STX8: variants seen among roughly 807,000 people sequenced by gnomAD.
The protein encoded by STX8 is syntaxin 8.
A neutral mutation model predicts 37.5 loss-of-function variants in STX8; 23 were observed. The ratio of observed to expected loss-of-function variants is 0.61; its 90% CI spans 0.44 to 0.87. The LOEUF is 0.87. Ranked by LOEUF, STX8 falls within the 40% of genes least tolerant of loss-of-function variation. The pLI is 0.00. For missense variants in STX8, 313 were observed against 284.7 expected (o/e 1.10, Z -0.71); for synonymous variants, 115 against 99.1 (o/e 1.16, Z -0.95).
intron 6 of STX8, among the ~76,000 whole-genome samples, chr17:9,483,486 T>A (rs185129689): frequency 1.3e-5 from 2 of 152,304 alleles, no homozygotes; most frequent in East Asian, 3.9e-4. Flanking sequence ...GTAACATTCA[T>A]AGATTCCAGG....
At chr17:9,340,149 G>A (rs1160270815) in intron 7 of STX8, among the ~76,000 whole-genome samples, 4 of 152,254 alleles carry the variant, frequency 2.6e-5, no homozygotes, top group African/African-American at 7.2e-5. Flanking sequence ...GTGCACCTGC[G>A]TGGGAATTCT....
intron 6 of STX8, among the ~76,000 whole-genome samples, chr17:9,453,455 A>G (rs1277193981): frequency 1.3e-5 from 2 of 151,662 alleles, no homozygotes; most frequent in African/African-American, 4.8e-5. Flanking sequence ...TACAACCTTC[A>G]AGAGCACTTT....
chr17:9,302,987 A>AT (rs1326089377), intron 7 of STX8, among the ~76,000 whole-genome samples: 29 of 129,958 alleles, frequency 2.2e-4, no homozygotes, highest in African/African-American at 1.0e-3. Flanking sequence ...TCTAATATAG[A>AT]TTAAAAAAAA....
intron 7 of STX8, among the ~76,000 whole-genome samples, chr17:9,359,364 G>C (rs1185728353): frequency 6.6e-6 from 1 of 152,086 alleles, no homozygotes; most frequent in East Asian, 1.9e-4. Context: ...TCACCTTCAA[G>C]ATAAACACAC....
chr17:9,343,680 A>G (rs1337689585), intron 7 of STX8, among the ~76,000 whole-genome samples: 1 of 152,062 alleles, frequency 6.6e-6, no homozygotes, highest in Non-Finnish European at 1.5e-5. Flanking sequence ...GCAGTTCCCT[A>G]CTGGGAACAG....
intron 1 of STX8, 83 bp from the exon 2 acceptor site, chr17:9,568,553 T>G (rs1907551955): frequency 8.9e-7 from 1 of 1,124,690 alleles, no homozygotes; most frequent in Non-Finnish European, 1.3e-6. Context: ...CAGGCTGGAG[T>G]GCAGTGGCAC....
chr17:9,513,313 C>CAA (rs35228175), intron 4 of STX8, among the ~76,000 whole-genome samples: 944 of 78,020 alleles, frequency 0.012, 16 homozygotes, highest in African/African-American at 0.041. Context: ...ACTCTATTTC[C>CAA]AAAAAAAAAA....
chr17:9,572,556 C>T (rs1180514968), intron 1 of STX8, among the ~76,000 whole-genome samples: 6 of 152,200 alleles, frequency 3.9e-5, no homozygotes, highest in Admixed American at 2.0e-4. Flanking sequence ...ATTACAGGTA[C>T]ACACCAACAT....
intron 7 of STX8, among the ~76,000 whole-genome samples, chr17:9,330,096 GGA>G (rs1280932608): frequency 6.6e-6 from 1 of 152,142 alleles, no homozygotes; most frequent in Non-Finnish European, 1.5e-5. Flanking sequence ...GGATGGGCAG[GGA>G]GAGAGAAACA....
intron 7 of STX8, among the ~76,000 whole-genome samples, chr17:9,295,304 T>A (rs1908474128): frequency 6.6e-6 from 1 of 152,234 alleles, no homozygotes; most frequent in Non-Finnish European, 1.5e-5. Flanking sequence ...AAAACAAGCC[T>A]AACTGTTCCT....
At chr17:9,263,075 G>A (rs555902401) in intron 7 of STX8, among the ~76,000 whole-genome samples, 6 of 152,284 alleles carry the variant, frequency 3.9e-5, no homozygotes, top group East Asian at 3.9e-4. Flanking sequence ...AGGACACCCC[G>A]TCTGGGTTGC....
intron 6 of STX8, among the ~76,000 whole-genome samples, chr17:9,438,661 G>A (rs1904530626): frequency 6.6e-6 from 1 of 152,092 alleles, no homozygotes; most frequent in Non-Finnish European, 1.5e-5. Flanking sequence ...GGGCGTGGTG[G>A]CTCACGTCTG....
intron 7 of STX8, among the ~76,000 whole-genome samples, chr17:9,338,119 T>C (rs927577313): frequency 8.8e-5 from 13 of 147,470 alleles, no homozygotes; most frequent in Admixed American, 8.3e-4. Flanking sequence ...AATGGTGTGA[T>C]CTTGGCTCAT....
At chr17:9,425,880 G>A (rs1230383216) in intron 6 of STX8, among the ~76,000 whole-genome samples, 1 of 152,108 alleles carries the variant, frequency 6.6e-6, no homozygotes, top group Non-Finnish European at 1.5e-5. Flanking sequence ...CTAAAGGCTT[G>A]GACGTCTACA....
chr17:9,483,239 G>T (rs548423442), intron 6 of STX8, among the ~76,000 whole-genome samples: 1 of 151,750 alleles, frequency 6.6e-6, no homozygotes, highest in Admixed American at 6.6e-5. Flanking sequence ...CCAGCTTTTA[G>T]AGCTTCATTC....
chr17:9,489,179 G>T (rs1906739478), intron 6 of STX8, among the ~76,000 whole-genome samples: 1 of 152,074 alleles, frequency 6.6e-6, no homozygotes, highest in African/African-American at 2.4e-5. Flanking sequence ...ACCCAGCCTT[G>T]TGTTGTTTTA....
At chr17:9,403,930 GCCA>G (rs1912716508) in intron 6 of STX8, among the ~76,000 whole-genome samples, 1 of 152,076 alleles carries the variant, frequency 6.6e-6, no homozygotes, top group Non-Finnish European at 1.5e-5. Flanking sequence ...ACGGGAGTGA[GCCA>G]CCACATCCGG....
At chr17:9,537,338 G>C (rs1224560055) in intron 4 of STX8, among the ~76,000 whole-genome samples, 1 of 152,222 alleles carries the variant, frequency 6.6e-6, no homozygotes, top group Non-Finnish European at 1.5e-5. Flanking sequence ...GGCTGAGTGT[G>C]TGAAACTTGC....
At chr17:9,269,799 G>A (rs1907385037) in intron 7 of STX8, among the ~76,000 whole-genome samples, 1 of 152,170 alleles carries the variant, frequency 6.6e-6, no homozygotes, top group Non-Finnish European at 1.5e-5. Context: ...TGCCTTGGCA[G>A]GGATCGTTCA....
Sources: allele counts gnomAD v4.1 joint callset (sites outside exome capture counted in the v4.1 genomes callset), GRCh38; gene constraint gnomAD v4.1.1; transcripts MANE v1.5; gene names NCBI Gene and HGNC (gene_info 2026-07-23, HGNC 2026-07-21).